The following BNC1 variants were observed in gnomAD, a reference collection of about 807,000 sequenced individuals.
BNC1 encodes the protein zinc finger protein basonuclin-1.
BNC1 carries 8 observed loss-of-function variants against 66.5 expected under a neutral mutation model. That is an observed-to-expected ratio of 0.12 (90% CI 0.07 to 0.22). The LOEUF (loss-of-function observed/expected upper bound fraction) is 0.22, where lower values mean the gene tolerates loss of function less well. BNC1 is among the 10% of genes least tolerant of loss of function. BNC1 has a pLI of 1.00. For synonymous variants in BNC1, 454 were observed against 452.6 expected, an observed-to-expected ratio of 1.00 and a Z score of -0.04; for missense variants, 1,069 against 1,241.3, an observed-to-expected ratio of 0.86 and a Z score of 2.09.
In BNC1 at chr15:83,284,459, C is replaced by A; in HGVS notation, c.99+71G>T. 3.0e-6 allele frequency: 3 copies of A among 1,010,830 alleles called. No homozygotes were observed. The South Asian group carries it at 9.2e-5, about 31-fold the overall frequency. 62.6% of individuals were successfully genotyped at this position (1,010,830 alleles called of 1,614,324 possible). ...CCTCGGGTACCCACGGGAGCCGGAGCCCAGCGGCGTCCCGGGCCGCCTGCT... is the reference window on the plus strand; with the variant it reads ...CCTCGGGTACCCACGGGAGCCGGAGACCAGCGGCGTCCCGGGCCGCCTGCT... On this transcript the variant is annotated intron_variant, in intron 1 of 4. Coordinates refer to ENST00000345382, the MANE Select transcript of BNC1 (RefSeq NM_001717.4).
rs1411786777 is a variant in BNC1, at chr15:83,284,558, C to T, written c.71G>A (p.Arg24Gln). ...GGCCATCCTGCGACCGCTGCGGTGC[C>T]GGGGCTGCCGGCGCGTCTCCCGGGC... Reference protein sequence around the residue: ...ARARETRRQPRHRSGRRMAEA... With the variant: ...ARARETRRQPQHRSGRRMAEA... Residue 24 changes from arginine (R) to glutamine (Q), a missense_variant, in exon 1 of 5, where the codon CGG becomes CAG. By Grantham distance (43) the Arg-to-Gln change is conservative (BLOSUM62 1). This residue lies in a region of BNC1 where 78 missense variants were observed against 80.9 expected (regional missense o/e 0.96). Transcript: ENST00000345382. The T allele has an allele frequency of 1.2e-5, 13 of 1,102,422 alleles. No individual in the cohort carries two copies. The highest frequency in any genetic ancestry group is 1.7e-5 in the African/African-American group (1 of 59,130). 68.3% of individuals were successfully genotyped at this position (1,102,422 alleles called of 1,614,324 possible). A position where few individuals can be genotyped will look rare whatever the true frequency, so the allele number is the denominator to read the frequency against.
intron 1 of BNC1, among the ~76,000 whole-genome samples, chr15:83,279,694 T>C (rs558377293): frequency 4.3e-4 from 65 of 152,280 alleles, no homozygotes; most frequent in African/African-American, 1.5e-3. Flanking sequence ...CATAGGATCA[T>C]TGGCTTTCTA....
rs2038186590 is a variant in BNC1 at position 83,264,200 on chromosome 15, C to T, written c.1051G>A (p.Gly351Ser). The T allele has an allele frequency of 6.2e-7, 1 of 1,614,012 alleles. No homozygotes were observed. The highest frequency in any genetic ancestry group is 8.5e-7 in the Non-Finnish European group (1 of 1,180,040). The change falls in exon 4 of 5, where the codon GGT becomes AGT. Residue 351 changes from glycine (G) to serine (S), a missense_variant. Physicochemically the swap from Gly to Ser is moderately conservative, Grantham distance 56 (BLOSUM62 0). This residue lies in a region of BNC1 where 82 missense variants were observed against 136.3 expected (regional missense o/e 0.60). Transcript: ENST00000345382. ...CAGAACACCCGGCCCTTCTTTGTAC[C>T]AAGGCTATTCCTCTCAGGCTTCACT... ...AKVKPERNSLGTKKGRVFCTA... is the reference protein window; with the variant it reads ...AKVKPERNSLSTKKGRVFCTA...
intron 1 of BNC1, among the ~76,000 whole-genome samples, chr15:83,283,755 G>C (rs1021878395): frequency 3.9e-5 from 6 of 152,224 alleles, no homozygotes; most frequent in Non-Finnish European, 8.8e-5. Context: ...GCGCGGAGCC[G>C]CGACAAGGAC....
rs771310823 is a variant in BNC1 at position 83,263,927 on chromosome 15, C to T, written c.1324G>A (p.Gly442Ser). 6.2e-7 allele frequency: 1 copy of T among 1,614,216 alleles called. No homozygotes were observed. Among genetic ancestry groups the T allele is most frequent in the Admixed American group, 1.7e-5 (1 of 60,026 alleles). The change falls in exon 4 of 5, where the codon GGT becomes AGT. Residue 442 changes from glycine (G) to serine (S), a missense_variant. Coordinates refer to ENST00000345382, the MANE Select transcript of BNC1 (RefSeq NM_001717.4). ...LASSENYKCP[G>S]FTVTSPDCRP... ...CAGTCTGGGGACGTCACTGTGAAACCTGGGCACTTGTAGTTCTCAGAGCTG... is the reference window on the plus strand; with the variant it reads ...CAGTCTGGGGACGTCACTGTGAAACTTGGGCACTTGTAGTTCTCAGAGCTG...
At chr15:83,273,236 G>A (rs1217633683) in intron 1 of BNC1, among the ~76,000 whole-genome samples, 1 of 152,082 alleles carries the variant, frequency 6.6e-6, no homozygotes, top group African/African-American at 2.4e-5. Context: ...CAGTGTCTAA[G>A]AAAACTTCCA....
chr15:83,268,670 T>C (rs2038241081), intron 1 of BNC1, among the ~76,000 whole-genome samples: 1 of 152,034 alleles, frequency 6.6e-6, no homozygotes, highest in South Asian at 2.1e-4. Context: ...AAAATTTATT[T>C]CCCCCCACCC....
In BNC1 at chr15:83,263,040, A is replaced by C; in HGVS notation, c.2211T>G (p.Ile737Met). 1 of 1,614,136 alleles carries C rather than the reference A, an allele frequency of 6.2e-7. No homozygotes were observed. The highest frequency in any genetic ancestry group is 2.2e-5 in the East Asian group (1 of 44,884). The change falls in exon 4 of 5, where the codon ATT becomes ATG. Residue 737 changes from isoleucine (I) to methionine (M), a missense_variant. By Grantham distance (10) the Ile-to-Met change is conservative. Coordinates refer to ENST00000345382, the MANE Select transcript of BNC1 (RefSeq NM_001717.4). ...CTTTGACATGCATATTCTTGTGATG[A>C]ATTTTCACACTACAAGCATTTTTAA... Reference protein sequence around the residue: ...KTFKNACSVKIHHKNMHVKEM... With the variant: ...KTFKNACSVKMHHKNMHVKEM...
rs1243662782 is a variant in BNC1 at position 83,257,698 on chromosome 15, A to T, written c.2729T>A (p.Val910Asp). ...VPGEDEYPIC[V>D]LMEKADQSLA... is the part of the protein sequence containing the mutation. Reference sequence around the variant, plus strand: ...GCTCTGGTCAGCCTTCTCCATCAGGACACAGATGGGGTACTCATCTTCCCC... The same window carrying T: ...GCTCTGGTCAGCCTTCTCCATCAGGTCACAGATGGGGTACTCATCTTCCCC... The change falls in exon 5 of 5, where the codon GTC becomes GAC. Residue 910 changes from valine (V) to aspartate (D), a missense_variant. Physicochemically the swap from Val to Asp is radical, Grantham distance 152 (BLOSUM62 -3). Around this residue, in one of 7 missense-constraint regions of BNC1, gnomAD observed 657 missense variants for 715.8 expected, o/e 0.92. Coordinates refer to ENST00000345382, the MANE Select transcript of BNC1 (RefSeq NM_001717.4). 6.2e-7 allele frequency: 1 copy of T among 1,614,148 alleles called. No homozygotes were observed. Among genetic ancestry groups the T allele is most frequent in the South Asian group, 1.1e-5 (1 of 91,076 alleles).
intron 1 of BNC1, among the ~76,000 whole-genome samples, chr15:83,276,240 T>C (rs1322497967): frequency 6.6e-6 from 1 of 152,206 alleles, no homozygotes; most frequent in Non-Finnish European, 1.5e-5. Context: ...TCTTCGGTCT[T>C]CTGGGCTCTG....
At chr15:83,259,800 A>C (rs1176158739) in intron 4 of BNC1, among the ~76,000 whole-genome samples, 1 of 152,134 alleles carries the variant, frequency 6.6e-6, no homozygotes, top group Non-Finnish European at 1.5e-5. Flanking sequence ...CGCTCCTCTC[A>C]AGCCTTAGAG....
chr15:83,262,897 T>C, intron 4 of BNC1, 54 bp downstream of exon 4: 2 of 1,502,372 alleles, frequency 1.3e-6, no homozygotes, highest in East Asian at 2.3e-5. Flanking sequence ...CTGATGCATG[T>C]TAAACTTGAA....
rs749950118 is a variant in BNC1, at chr15:83,267,025, C to T, written c.246G>A (p.Val82=). ...ACACTACATTGGACTGGACAATCTC[C>T]ACCTGGCTTGTTGGATACATGGGGG... The part of the protein sequence containing the change: ...RIPPMYPTSQ[V]EIVQSNVVFD... The change falls in exon 3 of 5, where the codon GTG becomes GTA. Residue 82 remains valine, a synonymous_variant. Coordinates refer to ENST00000345382, the MANE Select transcript of BNC1 (RefSeq NM_001717.4). 1.2e-6 allele frequency: 2 copies of T among 1,614,122 alleles called. No individual in the cohort carries two copies. Among genetic ancestry groups the T allele is most frequent in the Non-Finnish European group, 8.5e-7 (1 of 1,180,020 alleles).
intron 4 of BNC1, among the ~76,000 whole-genome samples, chr15:83,261,991 A>AT (rs1324465436): frequency 6.6e-6 from 1 of 150,588 alleles, no homozygotes; most frequent in African/African-American, 2.4e-5. Flanking sequence ...TCTCACTCTT[A>AT]TTCAAATAGT....
At chr15:83,273,441 G>A (rs1439932492) in intron 1 of BNC1, among the ~76,000 whole-genome samples, 1 of 152,174 alleles carries the variant, frequency 6.6e-6, no homozygotes, top group African/African-American at 2.4e-5. Flanking sequence ...ATCCATTCTT[G>A]TTCCATTCTT....
At chr15:83,271,981 G>A (rs59820153) in intron 1 of BNC1, among the ~76,000 whole-genome samples, 5 of 152,252 alleles carry the variant, frequency 3.3e-5, no homozygotes, top group Non-Finnish European at 7.4e-5. Flanking sequence ...TAAAAGGCAC[G>A]ATTAACTTAG....
At position 83,257,436 on chromosome 15, in the gene BNC1, A is replaced by T; in HGVS notation, c.*6T>A. ...CTTATCTGAGCATACTTGGTTTGCC[A>T]TCTTGTTACTGGAGGTGACTTGGAG... On this transcript the variant is annotated 3_prime_UTR_variant, in exon 5 of 5. Transcript: ENST00000345382. 1 of 1,607,618 alleles carries T rather than the reference A, an allele frequency of 6.2e-7. No homozygotes were observed. The highest frequency in any genetic ancestry group is 2.2e-5 in the East Asian group (1 of 44,792).
At chr15:83,282,327 G>T (rs535625441) in intron 1 of BNC1, among the ~76,000 whole-genome samples, 2 of 152,176 alleles carry the variant, frequency 1.3e-5, no homozygotes, top group Non-Finnish European at 2.9e-5. Context: ...CTTATTAGAT[G>T]AGAAATCAAA....
At chr15:83,268,557 C>G (rs1229851343) in intron 1 of BNC1, among the ~76,000 whole-genome samples, 1 of 152,112 alleles carries the variant, frequency 6.6e-6, no homozygotes, top group Non-Finnish European at 1.5e-5. Context: ...ATATTTTCAC[C>G]AAATTTCTAA....
Sources: allele counts gnomAD v4.1 joint callset (sites outside exome capture counted in the v4.1 genomes callset), GRCh38; gene constraint gnomAD v4.1.1; regional missense constraint gnomAD v4.1.1; transcripts MANE v1.5; gene names NCBI Gene and HGNC (gene_info 2026-07-23, HGNC 2026-07-21).